Variants in ITFG1 observed in about 807,000 individuals in gnomAD.
ITFG1 encodes integrin alpha FG-GAP repeat containing 1, also known as T-cell immunomodulatory protein.
ITFG1 carries 34 observed loss-of-function variants against 81.8 expected under a neutral mutation model. The ratio of observed to expected loss-of-function variants is 0.42; its 90% confidence interval spans 0.32 to 0.55. ITFG1 has a LOEUF of 0.55. Among genes scored for constraint, ITFG1 ranks in the 20% least tolerant of loss-of-function variants. The pLI is 0.17. For synonymous variants in ITFG1, 285 were observed against 270.6 expected (o/e 1.05, Z -0.52); for missense variants, 672 against 755.4 (o/e 0.89, Z 1.29).
At chr16:47,230,000 A>G (rs62060611) in intron 13 of ITFG1, among the ~76,000 whole-genome samples, 1 of 152,336 alleles carries the variant, frequency 6.6e-6, no homozygotes, top group East Asian at 1.9e-4. Context: ...TGTTGTTATT[A>G]ATCTCTTACT....
chr16:47,260,021 C>T (rs2151542066), intron 11 of ITFG1, among the ~76,000 whole-genome samples: 1 of 151,020 alleles, frequency 6.6e-6, no homozygotes, highest in East Asian at 2.0e-4. Context: ...TCACTGCAAA[C>T]TCTGCCTCCC....
At chr16:47,168,343 A>T (rs1242298941) in intron 14 of ITFG1, among the ~76,000 whole-genome samples, 1 of 152,028 alleles carries the variant, frequency 6.6e-6, no homozygotes, top group Non-Finnish European at 1.5e-5. Flanking sequence ...AGATTTGCAA[A>T]TATTTTCTCC....
chr16:47,371,765 T>C (rs1968257020), intron 7 of ITFG1, among the ~76,000 whole-genome samples: 1 of 152,020 alleles, frequency 6.6e-6, no homozygotes. Flanking sequence ...TATGAACTAG[T>C]GAGAAGAGGT....
In ITFG1 at chr16:47,311,426, G is replaced by GA. The variant is rs1205239694; in HGVS notation, c.898-15dup. 1.3e-6 allele frequency: 2 copies of GA among 1,576,034 alleles called. No homozygotes were observed. Among genetic ancestry groups the GA allele is most frequent in the African/African-American group, 1.4e-5 (1 of 73,036 alleles). Reference sequence around the variant, plus strand: ...GACTGGAACCCACTATGGATTAAGAGAAAAAGATCAGACTTTATAGTTATT... The same window carrying GA: ...GACTGGAACCCACTATGGATTAAGAGAAAAAAGATCAGACTTTATAGTTATT... On this transcript the variant is annotated splice_polypyrimidine_tract_variant and intron_variant, in intron 9 of 17. Transcript: ENST00000320640.
At chr16:47,264,405 T>C (rs1404975453) in intron 10 of ITFG1, among the ~76,000 whole-genome samples, 1 of 152,096 alleles carries the variant, frequency 6.6e-6, no homozygotes, top group Non-Finnish European at 1.5e-5. Context: ...CCAATTTAAG[T>C]CTCCCATTAG....
At position 47,457,047 on chromosome 16, in the gene ITFG1, G is replaced by A. The variant is rs1050152262; in HGVS notation, c.281+2056C>T. On this transcript the variant is annotated intron_variant, in intron 2 of 17. Coordinates refer to ENST00000320640, the MANE Select transcript of ITFG1 (RefSeq NM_030790.5). The stretch of plus-strand genomic sequence containing the variant: ...CAGTAGGGCAAGCTGCACAAAAAAT[G>A]AAATACTGTCCCAGCACTTTGGGAG... Among the ~76,000 whole-genome samples, 14 of 152,142 alleles carry A rather than the reference G, an allele frequency of 9.2e-5. No homozygotes were observed. In the East Asian group the frequency reaches 2.7e-3, roughly 30 times the overall value.
At chr16:47,195,557 C>CT (rs1397694277) in intron 14 of ITFG1, among the ~76,000 whole-genome samples, 4 of 152,190 alleles carry the variant, frequency 2.6e-5, no homozygotes, top group African/African-American at 9.6e-5. Context: ...CCAGGTATTC[C>CT]TTCTCTAATG....
intron 6 of ITFG1, among the ~76,000 whole-genome samples, chr16:47,394,089 T>C (rs1350655336): frequency 6.6e-6 from 1 of 152,142 alleles, no homozygotes; most frequent in African/African-American, 2.4e-5. Context: ...GCAGCAGGAT[T>C]TAAGAACTTA....
At chr16:47,325,966 TCA>T (rs1967533249) in intron 8 of ITFG1, among the ~76,000 whole-genome samples, 1 of 152,148 alleles carries the variant, frequency 6.6e-6, no homozygotes, top group Non-Finnish European at 1.5e-5. Context: ...CCTCCCTAAC[TCA>T]TTTTATGAGG....
At chr16:47,402,745 T>C (rs1200284785) in intron 6 of ITFG1, among the ~76,000 whole-genome samples, 1 of 152,218 alleles carries the variant, frequency 6.6e-6, no homozygotes, top group Non-Finnish European at 1.5e-5. Flanking sequence ...GGAGGCTATG[T>C]TTTTTAATTC....
intron 13 of ITFG1, among the ~76,000 whole-genome samples, chr16:47,226,717 T>G (rs1352126481): frequency 2.0e-5 from 3 of 152,030 alleles, no homozygotes; most frequent in African/African-American, 7.2e-5. Flanking sequence ...GCTGAATTTT[T>G]TTCATCTATT....
chr16:47,191,069 G>A lies in ITFG1; in HGVS notation c.1453+27799C>T, dbSNP rs563154099. 1.9e-3 allele frequency among the ~76,000 whole-genome samples: 290 copies of A among 152,284 alleles called. 1 individual carries two copies. The highest frequency in any genetic ancestry group is 3.9e-3 in the South Asian group (19 of 4,826). ...ATGTCTCCTTGGCCAAAGTCAGTGTGGGTTGGGGCTAATAATGGTATGAAT... is the reference window on the plus strand; with the variant it reads ...ATGTCTCCTTGGCCAAAGTCAGTGTAGGTTGGGGCTAATAATGGTATGAAT... On this transcript the variant is annotated intron_variant, in intron 14 of 17. Coordinates refer to ENST00000320640, the MANE Select transcript of ITFG1 (RefSeq NM_030790.5).
At chr16:47,180,534 C>T (rs1311401980) in intron 14 of ITFG1, among the ~76,000 whole-genome samples, 2 of 152,220 alleles carry the variant, frequency 1.3e-5, no homozygotes, top group South Asian at 2.1e-4. Context: ...AGGCACGCGC[C>T]GCCACGCCTG....
At chr16:47,262,168 C>T (rs1255115575) in intron 10 of ITFG1, among the ~76,000 whole-genome samples, 3 of 152,084 alleles carry the variant, frequency 2.0e-5, no homozygotes, top group African/African-American at 7.2e-5. Flanking sequence ...ACTATTTTTC[C>T]AGATGAAAAA....
chr16:47,247,302 T>C (rs1966012444), intron 12 of ITFG1, among the ~76,000 whole-genome samples: 1 of 152,212 alleles, frequency 6.6e-6, no homozygotes, highest in African/African-American at 2.4e-5. Context: ...CACAGTTTAT[T>C]ACAATTAGAT....
rs546244760 is a variant in ITFG1 at position 47,315,768 on chromosome 16, C to CATATATATATATATATATATATATATAT, written c.803-1946_803-1945insATATATATATATATATATATATATATAT. The stretch of plus-strand genomic sequence containing the variant: ...GTGTTTCTTGTGCTATTCTAAATGC[C>CATATATATATATATATATATATATATAT]ATATATATATACACATATATATAAT... On this transcript the variant is annotated intron_variant, in intron 8 of 17. Transcript: ENST00000320640. Among the ~76,000 whole-genome samples the CATATATATATATATATATATATATATAT allele has an allele frequency of 3.0e-3, 434 of 144,344 alleles. 5 individuals carry two copies. The highest frequency in any genetic ancestry group is 0.011 in the African/African-American group (392 of 34,928). The allele number at this position is 144,344 out of a possible 152,430, so 94.7% of individuals were successfully genotyped here. A position where few individuals can be genotyped will look rare whatever the true frequency, so the allele number is the denominator to read the frequency against.
At chr16:47,182,037 AAC>A (rs1323103493) in intron 14 of ITFG1, among the ~76,000 whole-genome samples, 1 of 152,124 alleles carries the variant, frequency 6.6e-6, no homozygotes, top group Non-Finnish European at 1.5e-5. Flanking sequence ...CAGGGACACA[AAC>A]ACTGCGGAAG....
At chr16:47,196,379 AGTTT>A (rs1392833465) in intron 14 of ITFG1, 1 of 151,944 alleles carries the variant, frequency 6.6e-6, no homozygotes, top group Non-Finnish European at 1.5e-5. Flanking sequence ...CTGCTCTTGC[AGTTT>A]GTTTGCTTAC....
chr16:47,235,271 T>G (rs1473575985), intron 13 of ITFG1, among the ~76,000 whole-genome samples: 1 of 151,928 alleles, frequency 6.6e-6, no homozygotes, highest in Non-Finnish European at 1.5e-5. Flanking sequence ...TTAAAGGTAC[T>G]GGCAGAAGTA....
Sources: allele counts gnomAD v4.1 joint callset (sites outside exome capture counted in the v4.1 genomes callset), GRCh38; gene constraint gnomAD v4.1.1; transcripts MANE v1.5; gene names NCBI Gene and HGNC (gene_info 2026-07-23, HGNC 2026-07-21).